DYNC2H1: variants seen among roughly 807,000 people sequenced by gnomAD.
DYNC2H1 encodes cytoplasmic dynein 2 heavy chain 1.
DYNC2H1 carries 410 observed loss-of-function variants against 570.0 expected under a neutral mutation model. The observed-to-expected ratio is 0.72, with a 90% confidence interval of 0.66 to 0.78. The LOEUF (loss-of-function observed/expected upper bound fraction) is 0.78, where lower values mean the gene tolerates loss of function less well. Ranked by LOEUF, DYNC2H1 falls within the 30% of genes least tolerant of loss-of-function variation. The pLI is 0.00. For missense variants in DYNC2H1, 4,865 were observed against 5,046.4 expected (o/e 0.96, Z 1.09); for synonymous variants, 1,688 against 1,677.6 (o/e 1.01, Z -0.15).
At position 103,277,356 on chromosome 11, in the gene DYNC2H1, T is replaced by G. The variant is rs1865954648; in HGVS notation, c.10696-2992T>G. Reference sequence around the variant, plus strand: ...GTTTTTCTTTCATTTTACTTATATTTTACAAATTTTTCTTCATCTGGGTCT... The same window carrying G: ...GTTTTTCTTTCATTTTACTTATATTGTACAAATTTTTCTTCATCTGGGTCT... On this transcript the variant is annotated intron_variant, in intron 70 of 88. Transcript: ENST00000375735. This position sits in a 1 kb window ranked among gnomAD's most constrained non-coding sequence, Gnocchi z 4.3. Among the ~76,000 whole-genome samples, 1 of 152,140 alleles carries G rather than the reference T, an allele frequency of 6.6e-6. No homozygotes were observed. Among genetic ancestry groups the G allele is most frequent in the Admixed American group, 6.6e-5 (1 of 15,264 alleles).
chr11:103,162,717 C>G (rs1340130309), intron 29 of DYNC2H1, among the ~76,000 whole-genome samples: 1 of 152,054 alleles, frequency 6.6e-6, no homozygotes, highest in Non-Finnish European at 1.5e-5. Context: ...TTTAAATGCT[C>G]ATATTATATT....
intron 83 of DYNC2H1, among the ~76,000 whole-genome samples, chr11:103,378,213 A>G (rs904759512): frequency 1.3e-5 from 2 of 152,210 alleles, no homozygotes; most frequent in Non-Finnish European, 2.9e-5. Context: ...ACTCTCTCCC[A>G]AATCCCTTCC....
At chr11:103,193,167 G>A (rs996385349) in intron 47 of DYNC2H1, among the ~76,000 whole-genome samples, 2 of 152,132 alleles carry the variant, frequency 1.3e-5, no homozygotes, top group Non-Finnish European at 2.9e-5. Flanking sequence ...TCAGGAAATG[G>A]GTTCAAGAGA....
intron 15 of DYNC2H1, 21 bp downstream of exon 15, chr11:103,134,440 T>C (rs373812748): frequency 1.2e-4 from 193 of 1,572,380 alleles, no homozygotes; most frequent in Non-Finnish European, 1.7e-4. Flanking sequence ...TTTTATTTTG[T>C]GTGTATACTT....
chr11:103,447,087 A>C (rs7118365), intron 85 of DYNC2H1, among the ~76,000 whole-genome samples: 54,077 of 151,964 alleles, frequency 0.36, 10,203 homozygotes, highest in African/African-American at 0.48. Context: ...GGTAAATAAA[A>C]AACAAAGAAT....
At chr11:103,388,507 C>T (rs1485514825) in intron 83 of DYNC2H1, among the ~76,000 whole-genome samples, 1 of 152,128 alleles carries the variant, frequency 6.6e-6, no homozygotes, top group African/African-American at 2.4e-5. Context: ...CCTTCTCCTG[C>T]CTGATTGCCC....
At chr11:103,316,398 T>G in intron 79 of DYNC2H1, 147 bp from the exon 80 acceptor site, 2 of 521,606 alleles carry the variant, frequency 3.8e-6, no homozygotes, top group East Asian at 3.6e-5. Flanking sequence ...TTACTTTAGA[T>G]TTATTATGTG....
At chr11:103,155,579 A>C in intron 25 of DYNC2H1, 78 bp downstream of exon 25, 1 of 1,404,064 alleles carries the variant, frequency 7.1e-7, no homozygotes, top group East Asian at 2.6e-5. Flanking sequence ...TTGTTTAAAT[A>C]CAAAAAAAGT....
At chr11:103,357,827 G>T (rs1457520783) in intron 82 of DYNC2H1, among the ~76,000 whole-genome samples, 1 of 151,818 alleles carries the variant, frequency 6.6e-6, no homozygotes, top group African/African-American at 2.4e-5. Context: ...GGACACACCT[G>T]TAATCCCAGC....
intron 85 of DYNC2H1, among the ~76,000 whole-genome samples, chr11:103,448,466 A>T (rs910384283): frequency 6.6e-6 from 1 of 152,150 alleles, no homozygotes; most frequent in Non-Finnish European, 1.5e-5. Flanking sequence ...ATCTTCAGGG[A>T]AATTTAGAAT....
At chr11:103,165,456 T>C (rs1418448627) in intron 30 of DYNC2H1, among the ~76,000 whole-genome samples, 1 of 152,188 alleles carries the variant, frequency 6.6e-6, no homozygotes, top group East Asian at 1.9e-4. Context: ...AGGAGAATAC[T>C]GGAATTTTGC....
intron 82 of DYNC2H1, among the ~76,000 whole-genome samples, chr11:103,341,342 A>G (rs1249067066): frequency 6.6e-6 from 1 of 152,212 alleles, no homozygotes; most frequent in East Asian, 1.9e-4. Flanking sequence ...CCCTTTTAAA[A>G]TTTAACAGTT....
intron 45 of DYNC2H1, among the ~76,000 whole-genome samples, chr11:103,190,787 A>G (rs1478922023): frequency 6.6e-6 from 1 of 152,070 alleles, no homozygotes; most frequent in Non-Finnish European, 1.5e-5. Context: ...TGTATATTGA[A>G]GAGAGATACT....
At chr11:103,212,503 C>CAT (rs1863196876) in intron 54 of DYNC2H1, among the ~76,000 whole-genome samples, 3 of 151,640 alleles carry the variant, frequency 2.0e-5, no homozygotes, top group African/African-American at 4.8e-5. Context: ...ACATAATATC[C>CAT]AAGATTATAT....
chr11:103,339,472 G>A (rs1221222032), intron 82 of DYNC2H1, among the ~76,000 whole-genome samples: 1 of 152,186 alleles, frequency 6.6e-6, no homozygotes, highest in Non-Finnish European at 1.5e-5. Context: ...CCATTCAAGA[G>A]CAAAGACCTG....
At chr11:103,168,562 C>G (rs1208701708) in intron 31 of DYNC2H1, among the ~76,000 whole-genome samples, 193 bp from the exon 32 acceptor site, 2 of 152,098 alleles carry the variant, frequency 1.3e-5, no homozygotes, top group African/African-American at 4.8e-5. Flanking sequence ...TTTTTATACT[C>G]AAAATTCTTA....
chr11:103,128,784 A>G (rs1859123364), intron 12 of DYNC2H1, 126 bp from the exon 13 acceptor site: 1 of 751,144 alleles, frequency 1.3e-6, no homozygotes. Flanking sequence ...CCTATTGGAG[A>G]TGAAAAACCA....
At chr11:103,225,547 A>T (rs1173097106) in intron 59 of DYNC2H1, among the ~76,000 whole-genome samples, 4 of 152,152 alleles carry the variant, frequency 2.6e-5, no homozygotes, top group Non-Finnish European at 4.4e-5. Flanking sequence ...ACTTTGTGAA[A>T]GATCAGTTGG....
chr11:103,144,448 T>C (rs775190771), intron 18 of DYNC2H1, among the ~76,000 whole-genome samples: 3 of 152,204 alleles, frequency 2.0e-5, no homozygotes, highest in Admixed American at 6.5e-5. Flanking sequence ...ATCCCCTCTG[T>C]CTGGGGCAAA....
Sources: allele counts gnomAD v4.1 joint callset (sites outside exome capture counted in the v4.1 genomes callset), GRCh38; gene constraint gnomAD v4.1.1; non-coding constraint Gnocchi (gnomAD v3.1); transcripts MANE v1.5; gene names NCBI Gene and HGNC (gene_info 2026-07-23, HGNC 2026-07-21).